The following CERS3 variants were observed in gnomAD, a reference collection of about 807,000 sequenced individuals.
CERS3 encodes the protein ceramide synthase 3, also known as LAG1 homolog, ceramide synthase 3.
Under a neutral mutation model 50.3 loss-of-function variants are expected in CERS3, and 33 were observed. The ratio of observed to expected loss-of-function variants is 0.66; its 90% CI spans 0.50 to 0.88. The LOEUF is 0.88. Ranked by LOEUF, CERS3 falls within the 40% of genes least tolerant of loss-of-function variation. The probability of loss-of-function intolerance (pLI) is 0.00; values close to 1 mark genes in which losing one functional copy is unlikely to be tolerated. For synonymous variants in CERS3, 176 were observed against 155.2 expected, an observed-to-expected ratio of 1.13 and a Z score of -0.99; for missense variants, 470 against 460.3, an observed-to-expected ratio of 1.02 and a Z score of -0.19.
chr15:100,517,864 C>T (rs533619432), intron 2 of CERS3, among the ~76,000 whole-genome samples: 1 of 152,230 alleles, frequency 6.6e-6, no homozygotes, highest in African/African-American at 2.4e-5. Flanking sequence ...AAAACATCCC[C>T]AAATATAGTC....
At chr15:100,416,040 A>G (rs1238436524) in intron 11 of CERS3, among the ~76,000 whole-genome samples, 1 of 152,196 alleles carries the variant, frequency 6.6e-6, no homozygotes, top group East Asian at 1.9e-4. Flanking sequence ...AAAAGTCAAT[A>G]TTGTTAAAAT....
chr15:100,406,115 C>T (rs1017260067), intron 11 of CERS3, among the ~76,000 whole-genome samples: 3 of 152,128 alleles, frequency 2.0e-5, no homozygotes, highest in African/African-American at 7.2e-5. Context: ...GATGGAGGTG[C>T]TATAGATCCA....
intron 4 of CERS3, among the ~76,000 whole-genome samples, chr15:100,490,110 T>C (rs2035607486): frequency 6.6e-6 from 1 of 152,234 alleles, no homozygotes; most frequent in Non-Finnish European, 1.5e-5. Flanking sequence ...AGAAGTTTTG[T>C]TTCATCTGTC....
chr15:100,430,871 T>C (rs985491993), intron 11 of CERS3, among the ~76,000 whole-genome samples: 3 of 152,198 alleles, frequency 2.0e-5, no homozygotes, highest in Non-Finnish European at 4.4e-5. Context: ...GCATTAAATT[T>C]AAATTGAGTT....
intron 4 of CERS3, among the ~76,000 whole-genome samples, chr15:100,489,408 C>G (rs1430595212): frequency 6.6e-6 from 1 of 152,082 alleles, no homozygotes; most frequent in African/African-American, 2.4e-5. Context: ...CTTAGTTTTC[C>G]TTTGGCCATT....
chr15:100,494,259 T>TATA (rs1567660619), intron 3 of CERS3, among the ~76,000 whole-genome samples: 207 of 16,798 alleles, frequency 0.012, 26 homozygotes, highest in East Asian at 0.029. Flanking sequence ...ATATATATAT[T>TATA]TGTTTTGAGA....
chr15:100,466,542 G>A lies in CERS3; in HGVS notation c.845+2836C>T, dbSNP rs185842733. On this transcript the variant is annotated intron_variant, in intron 10 of 11. Transcript: ENST00000679737. Reference sequence around the variant, plus strand: ...ATGACGTGATGTGACTACTGAGGCTGTTTATGAAAAAAGATGCAGCATCTC... The same window carrying A: ...ATGACGTGATGTGACTACTGAGGCTATTTATGAAAAAAGATGCAGCATCTC... 2.0e-3 allele frequency among the ~76,000 whole-genome samples: 305 copies of A among 152,180 alleles called. 1 individual carries two copies. The highest frequency in any genetic ancestry group is 7.0e-3 in the African/African-American group (290 of 41,546).
chr15:100,511,835 C>A, intron 2 of CERS3, among the ~76,000 whole-genome samples: 1 of 8,788 alleles, frequency 1.1e-4, no homozygotes. Flanking sequence ...GGAGCCTGGG[C>A]TTCCATTAAT....
intron 3 of CERS3, chr15:100,500,122 T>C (rs1448000038): frequency 6.6e-6 from 1 of 152,232 alleles, no homozygotes; most frequent in Non-Finnish European, 1.5e-5. Flanking sequence ...CATAAACTTA[T>C]ACTTCAAAAA....
chr15:100,499,125 A>G (rs1304871008), intron 3 of CERS3, among the ~76,000 whole-genome samples: 1 of 152,204 alleles, frequency 6.6e-6, no homozygotes, highest in East Asian at 1.9e-4. Flanking sequence ...CTACTCGTGT[A>G]TAATTAAGTA....
At chr15:100,532,524 G>A (rs1474787896), upstream of CERS3, among the ~76,000 whole-genome samples, 1 of 152,106 alleles carries the variant, frequency 6.6e-6, no homozygotes, top group Non-Finnish European at 1.5e-5. Flanking sequence ...CCAGCACTTT[G>A]GGAGGCCAAC....
chr15:100,531,934 G>A (rs2036947508), upstream of CERS3, among the ~76,000 whole-genome samples: 2 of 152,192 alleles, frequency 1.3e-5, no homozygotes, highest in African/African-American at 4.8e-5. Context: ...GTTGTCGGGA[G>A]CAGTAGGGGT....
Position 100,463,301 on chromosome 15 carries a change from GGCAT to G in CERS3, c.845+6073_845+6076del, listed in dbSNP as rs546400371. ...AATACAAAAATTAGCTGGGTGTGGTGGCATGCACTTGTAGTCCCAGCAACTCAGG... is the reference window on the plus strand; with the variant it reads ...AATACAAAAATTAGCTGGGTGTGGTGGCACTTGTAGTCCCAGCAACTCAGG... On this transcript the variant is annotated intron_variant, in intron 10 of 11. Transcript: ENST00000679737. Among the ~76,000 whole-genome samples, 15 of 152,004 alleles carry G rather than the reference GGCAT, an allele frequency of 9.9e-5. No homozygotes were observed. The East Asian group carries it at 2.5e-3, about 25-fold the overall frequency.
At chr15:100,521,623 G>A in intron 2 of CERS3, 44 bp downstream of exon 2, 1 of 151,994 alleles carries the variant, frequency 6.6e-6, no homozygotes, top group East Asian at 1.9e-4. Context: ...TTATAGTTAA[G>A]AAAACACAGT....
intron 7 of CERS3, among the ~76,000 whole-genome samples, chr15:100,478,639 T>C (rs989856449): frequency 1.3e-5 from 2 of 151,440 alleles, no homozygotes; most frequent in Non-Finnish European, 1.5e-5. Context: ...TGATGAGATC[T>C]AGAAGACAAT....
At position 100,491,787 on chromosome 15, in the gene CERS3, G is replaced by A. The variant is rs1015026341; in HGVS notation, c.174-856C>T. Among the ~76,000 whole-genome samples the A allele has an allele frequency of 5.3e-5, 8 of 151,582 alleles. 1 individual carries two copies. The highest frequency in any genetic ancestry group is 2.0e-4 in the Admixed American group (3 of 15,222). Reference sequence around the variant, plus strand: ...TCTTTTTCATTCATCTCAAGTATTTGCAAATTTACCTTGTGATTTCTTCCC... The same window carrying A: ...TCTTTTTCATTCATCTCAAGTATTTACAAATTTACCTTGTGATTTCTTCCC... On this transcript the variant is annotated intron_variant, in intron 3 of 11. Transcript: ENST00000679737.
rs981169934 is a variant in CERS3, at chr15:100,504,489, C to T, written c.-1-2639G>A. 5.3e-5 allele frequency among the ~76,000 whole-genome samples: 8 copies of T among 152,058 alleles called. No individual in the cohort carries two copies. The East Asian group carries it at 7.7e-4, about 15-fold the overall frequency. On this transcript the variant is annotated intron_variant, in intron 2 of 11. Coordinates refer to ENST00000679737, the MANE Select transcript of CERS3 (RefSeq NM_001378789.1). ...AACTCCCAACCTCAGGTGATCCGCC[C>T]GCCTCAGCCTCCCAAAGTGCTGGGA... is the stretch of plus-strand genomic sequence containing the variant.
At chr15:100,526,495 T>TGTGTGTGTGTGTGTGTGTGG (rs2142399867) in intron 1 of CERS3, among the ~76,000 whole-genome samples, 1 of 151,940 alleles carries the variant, frequency 6.6e-6, no homozygotes, top group South Asian at 2.1e-4. Flanking sequence ...TGTGTGTGTG[T>TGTGTGTGTGTGTGTGTGTGG]GTGTGTGTGT....
At chr15:100,460,275 G>A (rs1361650279) in intron 10 of CERS3, among the ~76,000 whole-genome samples, 1 of 152,106 alleles carries the variant, frequency 6.6e-6, no homozygotes, top group African/African-American at 2.4e-5. Context: ...TCTGTAAAAT[G>A]CGAGCAGAGA....
Sources: allele counts gnomAD v4.1 joint callset (sites outside exome capture counted in the v4.1 genomes callset), GRCh38; gene constraint gnomAD v4.1.1; transcripts MANE v1.5; gene names NCBI Gene and HGNC (gene_info 2026-07-23, HGNC 2026-07-21).